FNIP2: variants seen among roughly 807,000 people sequenced by gnomAD.
FNIP2 encodes the protein folliculin interacting protein 2, also known as folliculin-interacting protein 2.
In FNIP2, 32 loss-of-function variants were observed where a neutral mutation model predicts 108.7. The observed-to-expected ratio is 0.29, with a 90% CI of 0.22 to 0.40. FNIP2 has a LOEUF of 0.40. Among genes scored for constraint, FNIP2 ranks in the 10% least tolerant of loss-of-function variants. The pLI is 1.00. For missense variants in FNIP2, 1,202 were observed against 1,381.6 expected, an observed-to-expected ratio of 0.87 and a Z score of 2.06; for synonymous variants, 480 against 496.7, an observed-to-expected ratio of 0.97 and a Z score of 0.45.
intron 8 of FNIP2, among the ~76,000 whole-genome samples, chr4:158,852,888 A>G (rs540692302): frequency 1.9e-4 from 29 of 152,318 alleles, no homozygotes; most frequent in African/African-American, 6.5e-4. Context: ...ACCTAAAATA[A>G]GTATCTTACA....
intron 14 of FNIP2, among the ~76,000 whole-genome samples, chr4:158,887,752 A>AAAG (rs1560833815): frequency 5.9e-5 from 9 of 151,554 alleles, no homozygotes; most frequent in Non-Finnish European, 4.4e-5. Flanking sequence ...AAAAAAAAAA[A>AAAG]AAAAACCCAA....
chr4:158,881,425 TTTCCACGGTCTCCCTCTCC>T (rs1781612672), intron 14 of FNIP2, among the ~76,000 whole-genome samples: 1 of 126,722 alleles, frequency 7.9e-6, no homozygotes, highest in Admixed American at 7.6e-5. Context: ...TCTCCCTCTC[TTTCCACGGTCTCCCTCTCC>T]CTCTCTTTCC....
intron 14 of FNIP2, among the ~76,000 whole-genome samples, chr4:158,881,958 G>A (rs1181799950): frequency 3.3e-5 from 5 of 149,906 alleles, no homozygotes; most frequent in East Asian, 2.0e-4. Context: ...CCCAGTCTGG[G>A]AAGTGAGGAG....
intron 14 of FNIP2, among the ~76,000 whole-genome samples, chr4:158,879,098 A>G (rs1026746533): frequency 6.7e-6 from 1 of 150,368 alleles, no homozygotes; most frequent in African/African-American, 2.5e-5. Context: ...ATGCAGAAAG[A>G]GAATAGAGAA....
intron 1 of FNIP2, among the ~76,000 whole-genome samples, chr4:158,781,616 G>A (rs1250242290): frequency 6.6e-6 from 1 of 152,166 alleles, no homozygotes; most frequent in Non-Finnish European, 1.5e-5. Context: ...CCAGGTTCAG[G>A]TGATTCTCCT....
Position 158,832,101 on chromosome 4 carries a change from T to C in FNIP2, c.517T>C (p.Ser173Pro). The stretch of plus-strand genomic sequence containing the variant: ...ACAACTGATGATTAGTAAAGTCTTC[T>C]CTGCTAGAATGGGCAGCTTCTGTGG... ...PPQLMISKVF[S>P]ARMGSFCGST... is the part of the protein sequence containing the mutation. Residue 173 changes from serine (S) to proline (P), a missense_variant, in exon 5 of 17, where the codon TCT (serine) becomes CCT (proline). Around this residue, in one of 5 missense-constraint regions of FNIP2, gnomAD observed 878 missense variants for 990.3 expected, o/e 0.89. Transcript: ENST00000264433. 1 of 1,613,936 alleles carries C rather than the reference T, an allele frequency of 6.2e-7. No individual in the cohort carries two copies. The highest frequency in any genetic ancestry group is 2.2e-5 in the East Asian group (1 of 44,872).
rs539389867 is a variant in FNIP2, at chr4:158,832,121, C to T, written c.537C>T (p.Phe179=). The T allele has an allele frequency of 1.2e-6, 2 of 1,613,716 alleles. No individual in the cohort carries two copies. Among genetic ancestry groups the T allele is most frequent in the Admixed American group, 1.7e-5 (1 of 60,030 alleles). Residue 179 remains phenylalanine, a synonymous_variant, in exon 5 of 17, where the codon TTC becomes TTT. Coordinates refer to ENST00000264433, the MANE Select transcript of FNIP2 (RefSeq NM_020840.3). The stretch of plus-strand genomic sequence containing the variant: ...TCTTCTCTGCTAGAATGGGCAGCTT[C>T]TGTGGAAGTACAAATAAGTAAGTGT... ...SKVFSARMGS[F]CGSTNNLQDS...
intron 14 of FNIP2, chr4:158,890,158 AAAATTATT>A: frequency 2.0e-6 from 2 of 985,230 alleles, no homozygotes; most frequent in Non-Finnish European, 2.4e-6. Context: ...TCTCATGTTT[AAAATTATT>A]TGAACAGACA....
chr4:158,793,084 G>T (rs1776474146), intron 1 of FNIP2, among the ~76,000 whole-genome samples: 1 of 152,030 alleles, frequency 6.6e-6, no homozygotes, highest in African/African-American at 2.4e-5. Flanking sequence ...AGAAATGAGG[G>T]CAATTAAAGA....
At chr4:158,843,956 C>T (rs1261641147) in intron 7 of FNIP2, among the ~76,000 whole-genome samples, 2 of 152,170 alleles carry the variant, frequency 1.3e-5, no homozygotes, top group Non-Finnish European at 2.9e-5. Context: ...GCCCTATTTC[C>T]TGGACAAAGT....
chr4:158,833,905 C>T (rs969196818), intron 6 of FNIP2: 12 of 1,380,722 alleles, frequency 8.7e-6, no homozygotes, highest in Middle Eastern at 2.0e-4. Context: ...GTGTGGAATG[C>T]TGAGTACAGT....
At chr4:158,788,714 A>T (rs918788626) in intron 1 of FNIP2, among the ~76,000 whole-genome samples, 2 of 152,184 alleles carry the variant, frequency 1.3e-5, no homozygotes, top group African/African-American at 4.8e-5. Flanking sequence ...AAAAGGCTAG[A>T]CTCACAAGGA....
At chr4:158,772,362 G>A (rs1452941007) in intron 1 of FNIP2, among the ~76,000 whole-genome samples, 1 of 152,160 alleles carries the variant, frequency 6.6e-6, no homozygotes, top group African/African-American at 2.4e-5. Flanking sequence ...TGTGGTTCAC[G>A]TTTGAAGCAT....
At chr4:158,862,348 CTCTCAGCCTCATTT>C (rs1451543941) in intron 12 of FNIP2, among the ~76,000 whole-genome samples, 4 of 152,226 alleles carry the variant, frequency 2.6e-5, no homozygotes, top group African/African-American at 9.6e-5. Flanking sequence ...ACCCTTATTA[CTCTCAGCCTCATTT>C]TGTAACAATA....
intron 14 of FNIP2, among the ~76,000 whole-genome samples, chr4:158,880,647 A>C (rs531447769): frequency 3.4e-4 from 52 of 152,246 alleles, no homozygotes; most frequent in Non-Finnish European, 5.3e-4. Context: ...TTTAAGAATA[A>C]TGAGTGATAA....
intron 7 of FNIP2, among the ~76,000 whole-genome samples, chr4:158,837,240 TAGTG>T (rs1241456666): frequency 1.3e-5 from 2 of 152,154 alleles, no homozygotes; most frequent in African/African-American, 2.4e-5. Flanking sequence ...ATGGCTGTCT[TAGTG>T]GGTGACAGAA....
intron 1 of FNIP2, among the ~76,000 whole-genome samples, chr4:158,778,834 G>C (rs1775941572): frequency 6.6e-6 from 1 of 152,136 alleles, no homozygotes; most frequent in African/African-American, 2.4e-5. Context: ...TTACTTTCAG[G>C]CTTTATTGTT....
At chr4:158,785,705 T>C (rs942307486) in intron 1 of FNIP2, among the ~76,000 whole-genome samples, 1 of 132,966 alleles carries the variant, frequency 7.5e-6, no homozygotes, top group African/African-American at 2.9e-5. Context: ...TCTTTTTCTT[T>C]CTTTCTTTTT....
At position 158,854,311 on chromosome 4, in the gene FNIP2, G is replaced by A. The variant is rs193021546; in HGVS notation, c.857+2861G>A. Among the ~76,000 whole-genome samples the A allele has an allele frequency of 7.2e-5, 11 of 152,222 alleles. No individual in the cohort carries two copies. The East Asian group carries it at 1.9e-3, about 27-fold the overall frequency. Reference sequence around the variant, plus strand: ...CTGGCCTCCCACCCTGGTTCCTGGAGCTACCAGAGTCCCTCCTCTCTCCTC... The same window carrying A: ...CTGGCCTCCCACCCTGGTTCCTGGAACTACCAGAGTCCCTCCTCTCTCCTC... On this transcript the variant is annotated intron_variant, in intron 8 of 16. Transcript: ENST00000264433.
Sources: allele counts gnomAD v4.1 joint callset (sites outside exome capture counted in the v4.1 genomes callset), GRCh38; gene constraint gnomAD v4.1.1; regional missense constraint gnomAD v4.1.1; transcripts MANE v1.5; gene names NCBI Gene and HGNC (gene_info 2026-07-23, HGNC 2026-07-21).